NTM: variants seen among roughly 807,000 people sequenced by gnomAD.
The protein encoded by NTM is neurotrimin, also known as IgLON family member 2.
NTM carries 13 observed loss-of-function variants against 42.1 expected under a neutral mutation model. That is an observed-to-expected ratio of 0.31 (90% CI 0.20 to 0.49). The LOEUF is 0.49. NTM is among the 20% of genes least tolerant of loss of function. The pLI is 0.99. For synonymous variants in NTM, 187 were observed against 179.2 expected, an observed-to-expected ratio of 1.04 and a Z score of -0.35; for missense variants, 373 against 452.8, an observed-to-expected ratio of 0.82 and a Z score of 1.60.
intron 6 of NTM, among the ~76,000 whole-genome samples, chr11:132,310,566 C>G (rs965085524): frequency 2.6e-5 from 4 of 152,108 alleles, no homozygotes; most frequent in African/African-American, 9.7e-5. Flanking sequence ...CTGCCTGAAG[C>G]TATTTTTACC....
chr11:132,177,418 T>C (rs2076982296), intron 3 of NTM, among the ~76,000 whole-genome samples: 1 of 152,206 alleles, frequency 6.6e-6, no homozygotes, highest in African/African-American at 2.4e-5. Context: ...ACATTCCAAC[T>C]GATGGGTACT....
chr11:131,388,760 C>T (rs1349661930), intron 1 of NTM, among the ~76,000 whole-genome samples: 2 of 151,558 alleles, frequency 1.3e-5, no homozygotes, highest in African/African-American at 2.4e-5. Flanking sequence ...GCCTGTAATC[C>T]CAGCACTTCG....
intron 1 of NTM, among the ~76,000 whole-genome samples, chr11:131,373,094 G>A (rs762996285): frequency 2.0e-5 from 3 of 152,168 alleles, no homozygotes; most frequent in South Asian, 2.1e-4. Context: ...CAATTTTAAC[G>A]CAGAACGACC....
At chr11:131,414,188 A>C (rs981616482) in intron 1 of NTM, among the ~76,000 whole-genome samples, 5 of 152,100 alleles carry the variant, frequency 3.3e-5, no homozygotes, top group African/African-American at 1.2e-4. Context: ...AAGCAGGTAA[A>C]CTCTAGAGAC....
rs777174101 is a variant in NTM at position 132,117,992 on chromosome 11, C to T, written c.168-28290C>T. Among the ~76,000 whole-genome samples, 5 of 152,166 alleles carry T rather than the reference C, an allele frequency of 3.3e-5. No homozygotes were observed. The South Asian group carries it at 6.2e-4, about 19-fold the overall frequency. ...GGCTGCCTTGGGACCAATGACTCCG[C>T]GCTAACTTGAATTAAATCAATCTTG... On this transcript the variant is annotated intron_variant, in intron 2 of 8. Transcript: ENST00000683400.
At chr11:131,379,559 G>A (rs1040922614) in intron 1 of NTM, among the ~76,000 whole-genome samples, 2 of 152,172 alleles carry the variant, frequency 1.3e-5, no homozygotes, top group Non-Finnish European at 2.9e-5. Flanking sequence ...CAATAAGATA[G>A]AGATAATTAT....
chr11:131,568,320 A>G (rs1332851513), intron 1 of NTM, among the ~76,000 whole-genome samples: 2 of 152,230 alleles, frequency 1.3e-5, no homozygotes, highest in African/African-American at 4.8e-5. Flanking sequence ...TATTAGATCC[A>G]TTCTACAGAG....
chr11:132,144,225 G>A (rs1478225016), intron 2 of NTM, among the ~76,000 whole-genome samples: 1 of 152,082 alleles, frequency 6.6e-6, no homozygotes, highest in African/African-American at 2.4e-5. Flanking sequence ...TGTGACTCAA[G>A]GAATGACCAG....
Position 131,370,822 on chromosome 11 carries a change from C to T in NTM, c.16C>T (p.Pro6Ser), listed in dbSNP as rs1011517787. 2 of 1,613,516 alleles carry T rather than the reference C, an allele frequency of 1.2e-6. No homozygotes were observed. The highest frequency in any genetic ancestry group is 1.7e-6 in the Non-Finnish European group (2 of 1,179,882). ...AAAAAAAATCATGAAAACCATCCAG[C>T]CAAAAATGCACAATTCTATCTCTTG... is the stretch of plus-strand genomic sequence containing the variant. MKTIQ[P>S]KMHNSISWAI... The change falls in exon 1 of 9, where the codon CCA becomes TCA. Residue 6 changes from proline (P) to serine (S), a missense_variant. By Grantham distance (74) the Pro-to-Ser change is moderately conservative. Transcript: ENST00000683400.
At chr11:131,847,170 A>G (rs2045008163) in intron 1 of NTM, among the ~76,000 whole-genome samples, 1 of 152,164 alleles carries the variant, frequency 6.6e-6, no homozygotes, top group African/African-American at 2.4e-5. Context: ...AGGAATATGT[A>G]GAAATTAAAT....
At chr11:131,807,760 T>C (rs907226436) in intron 1 of NTM, among the ~76,000 whole-genome samples, 33 of 147,312 alleles carry the variant, frequency 2.2e-4, no homozygotes, top group African/African-American at 8.9e-4. Context: ...GCATTAAATA[T>C]TTTTTATTGC....
At chr11:132,165,988 C>T (rs2075209036) in intron 3 of NTM, among the ~76,000 whole-genome samples, 1 of 152,010 alleles carries the variant, frequency 6.6e-6, no homozygotes, top group South Asian at 2.1e-4. Flanking sequence ...GATGGCAGCC[C>T]CTGAGCTATT....
chr11:132,177,023 C>T (rs1282554431), intron 3 of NTM, among the ~76,000 whole-genome samples: 7 of 152,012 alleles, frequency 4.6e-5, no homozygotes, highest in Non-Finnish European at 1.0e-4. Context: ...AGGTGTGAGC[C>T]GTGCCGCCTG....
At chr11:132,300,842 G>A (rs2140115527) in intron 4 of NTM, among the ~76,000 whole-genome samples, 1 of 152,250 alleles carries the variant, frequency 6.6e-6, no homozygotes, top group African/African-American at 2.4e-5. Flanking sequence ...GTCTTCTTGT[G>A]CCACCCCCTT....
intron 2 of NTM, among the ~76,000 whole-genome samples, chr11:132,139,715 G>GT (rs1450030201): frequency 1.3e-5 from 2 of 152,190 alleles, no homozygotes; most frequent in Non-Finnish European, 2.9e-5. Context: ...GTGCAGGTTG[G>GT]TGGGGACATG....
intron 2 of NTM, among the ~76,000 whole-genome samples, chr11:131,995,266 T>A (rs1235155733): frequency 6.6e-6 from 1 of 152,078 alleles, no homozygotes; most frequent in Non-Finnish European, 1.5e-5. Flanking sequence ...GAATCTAAAT[T>A]TTTCATTCTT....
chr11:131,674,949 G>T (rs2071105506), intron 1 of NTM, among the ~76,000 whole-genome samples: 1 of 152,148 alleles, frequency 6.6e-6, no homozygotes, highest in African/African-American at 2.4e-5. Flanking sequence ...AGAAAAGAAA[G>T]CTCCCAGTGT....
intron 4 of NTM, among the ~76,000 whole-genome samples, chr11:132,259,382 C>A (rs534284828): frequency 6.6e-6 from 1 of 152,202 alleles, no homozygotes; most frequent in African/African-American, 2.4e-5. Context: ...GCAGGGTCAG[C>A]TGTAAAATAG....
chr11:131,951,334 A>G (rs2060959469), intron 2 of NTM, among the ~76,000 whole-genome samples: 1 of 152,134 alleles, frequency 6.6e-6, no homozygotes, highest in Non-Finnish European at 1.5e-5. Context: ...AACAGCCATT[A>G]GCCTAATTCC....
Sources: allele counts gnomAD v4.1 joint callset (sites outside exome capture counted in the v4.1 genomes callset), GRCh38; gene constraint gnomAD v4.1.1; transcripts MANE v1.5; gene names NCBI Gene and HGNC (gene_info 2026-07-23, HGNC 2026-07-21).